The following RALGPS2 variants were observed in gnomAD, a reference collection of about 807,000 sequenced individuals.
RALGPS2 encodes the protein Ral GEF with PH domain and SH3 binding motif 2.
Under a neutral mutation model 86.8 loss-of-function variants are expected in RALGPS2, and 43 were observed. The observed-to-expected ratio is 0.50, with a 90% CI of 0.39 to 0.64. RALGPS2 has a LOEUF of 0.64. Among genes scored for constraint, RALGPS2 ranks in the 30% least tolerant of loss-of-function variants. The pLI, the probability that RALGPS2 is intolerant of heterozygous loss-of-function variation, is 0.00. For synonymous variants in RALGPS2, 243 were observed against 231.3 expected, an observed-to-expected ratio of 1.05 and a Z score of -0.46; for missense variants, 536 against 694.6, an observed-to-expected ratio of 0.77 and a Z score of 2.57.
intron 1 of RALGPS2, among the ~76,000 whole-genome samples, chr1:178,743,570 A>T (rs546851826): frequency 2.0e-5 from 3 of 152,304 alleles, no homozygotes; most frequent in Non-Finnish European, 4.4e-5. Flanking sequence ...GTTGCCATGG[A>T]ACTAATTTAA....
At chr1:178,883,349 G>C in intron 10 of RALGPS2, 117 bp from the exon 11 acceptor site, 1 of 766,192 alleles carries the variant, frequency 1.3e-6, no homozygotes, top group Non-Finnish European at 2.2e-6. Flanking sequence ...AAAGTATATA[G>C]GTCAGATTAT....
chr1:178,917,993 G>A lies in RALGPS2; in HGVS notation c.*1634G>A, dbSNP rs1660867358. The A allele has an allele frequency of 6.6e-6, 1 of 152,066 alleles. No individual in the cohort carries two copies. The highest frequency in any genetic ancestry group is 6.5e-5 in the Admixed American group (1 of 15,274). The allele number at this position is 152,066 out of a possible 1,614,324, so 9.4% of individuals were successfully genotyped here. A position where few individuals can be genotyped will look rare whatever the true frequency, so the allele number is the denominator to read the frequency against. ...CCATGAAACTTCAATAGAAAATATT[G>A]CTTATACAATAATTAGCTTAAAATC... On this transcript the variant is annotated 3_prime_UTR_variant, in exon 20 of 20. Coordinates refer to ENST00000367635, the MANE Select transcript of RALGPS2 (RefSeq NM_152663.5).
chr1:178,756,336 A>G (rs1651956361), intron 1 of RALGPS2, among the ~76,000 whole-genome samples: 1 of 152,124 alleles, frequency 6.6e-6, no homozygotes, highest in Admixed American at 6.6e-5. Context: ...ATTTTTGTAT[A>G]TGGTAAAAGG....
intron 5 of RALGPS2, among the ~76,000 whole-genome samples, chr1:178,810,406 A>G (rs1288380849): frequency 6.6e-6 from 1 of 152,182 alleles, no homozygotes; most frequent in African/African-American, 2.4e-5. Context: ...ACAAATCACC[A>G]TAATATTTGT....
chr1:178,731,272 G>GT lies in RALGPS2; in HGVS notation c.-84+5882dup, dbSNP rs57628726. ...TGATTATACTTTTCTAGTTGTTTTG[G>GT]TTTTTTTTTTTTTTTTTTTTTTTTT... On this transcript the variant is annotated intron_variant, in intron 1 of 19. Coordinates refer to ENST00000367635, the MANE Select transcript of RALGPS2 (RefSeq NM_152663.5). Among the ~76,000 whole-genome samples, 233 of 57,964 alleles carry GT rather than the reference G, an allele frequency of 4.0e-3. 30 individuals carry two copies. The highest frequency in any genetic ancestry group is 5.9e-3 in the African/African-American group (89 of 15,032). 38.0% of individuals were successfully genotyped at this position (57,964 alleles called of 152,430 possible).
intron 8 of RALGPS2, among the ~76,000 whole-genome samples, chr1:178,844,376 G>A (rs929429391): frequency 2.0e-5 from 3 of 152,156 alleles, no homozygotes. Context: ...TTGTAAAAGG[G>A]AGTAGAGTCC....
chr1:178,860,490 T>C (rs1345091245), intron 8 of RALGPS2, among the ~76,000 whole-genome samples: 1 of 152,176 alleles, frequency 6.6e-6, no homozygotes, highest in Non-Finnish European at 1.5e-5. Flanking sequence ...ATGTACAGTT[T>C]ATTGGCATTA....
intron 8 of RALGPS2, among the ~76,000 whole-genome samples, chr1:178,847,094 A>C (rs1656902942): frequency 6.6e-6 from 1 of 152,252 alleles, no homozygotes; most frequent in East Asian, 1.9e-4. Flanking sequence ...TTCATTCATC[A>C]GTCTTTCCTG....
In RALGPS2 at chr1:178,920,336, T is replaced by TA. The variant is rs1391683263; in HGVS notation, c.*3978dup. The stretch of plus-strand genomic sequence containing the variant: ...TTATTGAAAGCAATTTGATTACACC[T>TA]ATGTTTCAGGTTATAGTGGGGAGAA... On this transcript the variant is annotated 3_prime_UTR_variant, in exon 20 of 20. Transcript: ENST00000367635. 1 of 152,022 alleles carries TA rather than the reference T, an allele frequency of 6.6e-6. No homozygotes were observed. The highest frequency in any genetic ancestry group is 1.5e-5 in the Non-Finnish European group (1 of 67,884). The allele number at this position is 152,022 out of a possible 1,614,324, so 9.4% of individuals were successfully genotyped here.
chr1:178,742,058 C>G (rs958041503), intron 1 of RALGPS2, among the ~76,000 whole-genome samples: 2 of 151,038 alleles, frequency 1.3e-5, no homozygotes, highest in African/African-American at 4.9e-5. Flanking sequence ...ATTGCTTGAA[C>G]CTGGGAGGCA....
chr1:178,845,389 C>T (rs1656821504), intron 8 of RALGPS2, among the ~76,000 whole-genome samples: 1 of 152,066 alleles, frequency 6.6e-6, no homozygotes, highest in East Asian at 1.9e-4. Flanking sequence ...TTATAACCCT[C>T]TGTAATATAG....
chr1:178,779,874 C>T (rs1653296191), intron 2 of RALGPS2, among the ~76,000 whole-genome samples: 1 of 152,200 alleles, frequency 6.6e-6, no homozygotes, highest in Non-Finnish European at 1.5e-5. Context: ...GCTGGGATTA[C>T]AGGTGCTTGC....
intron 8 of RALGPS2, among the ~76,000 whole-genome samples, chr1:178,856,280 T>G (rs990621770): frequency 6.9e-6 from 1 of 144,378 alleles, no homozygotes; most frequent in Admixed American, 7.0e-5. Flanking sequence ...CAGGCTGGAG[T>G]GCAGTGGTGT....
intron 8 of RALGPS2, among the ~76,000 whole-genome samples, chr1:178,845,311 TTTAA>T (rs777736193): frequency 1.5e-4 from 23 of 152,126 alleles, no homozygotes; most frequent in Non-Finnish European, 3.1e-4. Flanking sequence ...CCCTTCCCCA[TTTAA>T]TTTTTAATTT....
chr1:178,919,069 A>C lies in RALGPS2; in HGVS notation c.*2710A>C, dbSNP rs1660900963. On this transcript the variant is annotated 3_prime_UTR_variant, in exon 20 of 20. Coordinates refer to ENST00000367635, the MANE Select transcript of RALGPS2 (RefSeq NM_152663.5). ...GCATGTTATATAGCCTGTTGAAAAT[A>C]ACTACAGAATGACCTTCCAGAGCAC... 2 of 152,084 alleles carry C rather than the reference A, an allele frequency of 1.3e-5. No homozygotes were observed. The allele number at this position is 152,084 out of a possible 1,614,324, so 9.4% of individuals were successfully genotyped here.
intron 1 of RALGPS2, among the ~76,000 whole-genome samples, chr1:178,769,076 G>T (rs1256330491): frequency 6.6e-6 from 1 of 151,656 alleles, no homozygotes; most frequent in Non-Finnish European, 1.5e-5. Context: ...CTGGATCTCT[G>T]CACAGGAAAG....
intron 8 of RALGPS2, among the ~76,000 whole-genome samples, chr1:178,876,524 T>C (rs900299891): frequency 1.1e-4 from 17 of 152,138 alleles, no homozygotes; most frequent in Non-Finnish European, 2.2e-4. Flanking sequence ...AAGCAAAATA[T>C]AAGATTTGGA....
chr1:178,902,252 G>T, intron 18 of RALGPS2, 41 bp downstream of exon 18: 1 of 1,456,734 alleles, frequency 6.9e-7, no homozygotes, highest in Non-Finnish European at 9.6e-7. Flanking sequence ...TACTGCGTAT[G>T]TGTTTGTGTA....
intron 6 of RALGPS2, 142 bp downstream of exon 6, chr1:178,811,546 G>A: frequency 1.7e-6 from 1 of 577,786 alleles, no homozygotes; most frequent in East Asian, 3.4e-5. Flanking sequence ...TTTAAAATTG[G>A]ATGCCTACTT....
Sources: gnomAD v4.1 joint callset for allele counts (sites outside exome capture counted in the v4.1 genomes callset) on GRCh38, gnomAD v4.1.1 for gene constraint, MANE v1.5 for transcripts, NCBI Gene and HGNC (gene_info 2026-07-23, HGNC 2026-07-21) for gene names.